FAM120C: variants seen among roughly 807,000 people sequenced by gnomAD.
FAM120C encodes constitutive coactivator of PPAR-gamma-like protein 2.
FAM120C carries 14 observed loss-of-function variants against 71.2 expected under a neutral mutation model. The ratio of observed to expected loss-of-function variants is 0.20; its 90% CI spans 0.13 to 0.31. The LOEUF (loss-of-function observed/expected upper bound fraction) is 0.31, where lower values mean the gene tolerates loss of function less well. Among genes scored for constraint, FAM120C ranks in the 10% least tolerant of loss-of-function variants. The pLI, the probability that FAM120C is intolerant of heterozygous loss-of-function variation, is 1.00. For synonymous variants in FAM120C, 354 were observed against 353.2 expected (o/e 1.00, Z -0.03); for missense variants, 500 against 879.0 (o/e 0.57, Z 5.45).
chrX:54,136,211 G>C (rs1194551902), intron 5 of FAM120C, among the ~76,000 whole-genome samples: 2 of 111,405 alleles, frequency 1.8e-5, no homozygotes, highest in Non-Finnish European at 3.8e-5. Context: ...TGTTGGCCAG[G>C]CTGGTCGTGA....
chrX:54,081,338 C>A lies in FAM120C; in HGVS notation c.2962G>T (p.Gly988Cys). The A allele has an allele frequency of 8.3e-7, 1 of 1,209,290 alleles. No individual in the cohort carries two copies. Among genetic ancestry groups the A allele is most frequent in the Non-Finnish European group, 1.1e-6 (1 of 894,537 alleles). ...GGTACATACCCCTTTCCTGGCCCACCGACAGAAACCACTTGCATGCCGAAG... is the reference window on the plus strand; with the variant it reads ...GGTACATACCCCTTTCCTGGCCCACAGACAGAAACCACTTGCATGCCGAAG... The part of the protein sequence containing the change: ...GSFGMQVVSV[G>C]GPGKGHGKEQ... Residue 988 changes from glycine (G) to cysteine (C), a missense_variant, in exon 14 of 16, where the codon GGT (glycine) becomes TGT (cysteine). Physicochemically the swap from Gly to Cys is radical, Grantham distance 159. Around this residue, in one of 11 missense-constraint regions of FAM120C, gnomAD observed 85 missense variants for 96.1 expected, o/e 0.88. Transcript: ENST00000375180.
At chrX:54,182,309 G>T (rs782263220) in intron 1 of FAM120C, among the ~76,000 whole-genome samples, 191 bp downstream of exon 1, 1 of 110,632 alleles carries the variant, frequency 9.0e-6, no homozygotes, top group South Asian at 3.9e-4. Context: ...GAATCCGTAG[G>T]GGGTGGTATG....
chrX:54,140,496 T>C (rs1557131512), intron 4 of FAM120C, among the ~76,000 whole-genome samples: 1 of 105,018 alleles, frequency 9.5e-6, no homozygotes, highest in African/African-American at 3.5e-5. Flanking sequence ...GGCGGACACC[T>C]GTAATCCCAG....
chrX:54,150,013 G>T (rs1253332759), intron 4 of FAM120C, among the ~76,000 whole-genome samples: 1 of 112,183 alleles, frequency 8.9e-6, no homozygotes, highest in Non-Finnish European at 1.9e-5. Flanking sequence ...TATTAACAAT[G>T]AAATTTTCAT....
At chrX:54,179,039 C>G (rs1450253123) in intron 1 of FAM120C, among the ~76,000 whole-genome samples, 1 of 111,927 alleles carries the variant, frequency 8.9e-6, no homozygotes, top group East Asian at 2.8e-4. Flanking sequence ...GAATCACAAT[C>G]TAAAACTGCT....
rs1160481813 is a variant in FAM120C, at chrX:54,070,117, A to T, written c.*2916T>A. 8.9e-6 allele frequency: 1 copy of T among 111,927 alleles called. No homozygotes were observed. The highest frequency in any genetic ancestry group is 3.2e-5 in the African/African-American group (1 of 30,806). The allele number at this position is 111,927 out of a possible 1,213,427, so 9.2% of individuals were successfully genotyped here. ...TTTGTCCTCCAATTAGAAAAAGTTC[A>T]TCTCCCTGTAATGAACCTTAGTTTT... is the stretch of plus-strand genomic sequence containing the variant. On this transcript the variant is annotated 3_prime_UTR_variant, in exon 16 of 16. Transcript: ENST00000375180.
chrX:54,099,227 A>C (rs2066870570), intron 10 of FAM120C, among the ~76,000 whole-genome samples: 2 of 109,882 alleles, frequency 1.8e-5, no homozygotes, highest in Admixed American at 2.0e-4. Flanking sequence ...TGTTGCCCAG[A>C]CTGGCCTCAA....
chrX:54,124,741 C>T (rs2067017021), intron 9 of FAM120C, among the ~76,000 whole-genome samples: 1 of 111,711 alleles, frequency 9.0e-6, no homozygotes, highest in Non-Finnish European at 1.9e-5. Context: ...CTTGGCTCCT[C>T]CCCACCGACC....
chrX:54,135,118 G>A lies in FAM120C; in HGVS notation c.1336-7C>T, dbSNP rs1301779568. 4.2e-6 allele frequency: 5 copies of A among 1,177,531 alleles called. No individual in the cohort carries two copies. Among genetic ancestry groups the A allele is most frequent in the Non-Finnish European group, 4.6e-6 (4 of 878,490 alleles). On this transcript the variant is annotated splice_region_variant and splice_polypyrimidine_tract_variant and intron_variant, in intron 6 of 15. Transcript: ENST00000375180. ...GGGGCACTTGATGAGAAAACTAAAC[G>A]ATAAAACAGACAGAAAAGCTATTTA...
chrX:54,090,230 C>G (rs1246184072), intron 11 of FAM120C, among the ~76,000 whole-genome samples: 1 of 25,031 alleles, frequency 4.0e-5, no homozygotes, highest in Non-Finnish European at 6.7e-5. Context: ...AGCCCAGCAC[C>G]TTGCCCTTCT....
At chrX:54,182,362 AGGTAGGTTAGCTGTTGGGCG>A (rs1271942730) in intron 1 of FAM120C, 118 bp downstream of exon 1, 41 of 702,449 alleles carry the variant, frequency 5.8e-5, no homozygotes, top group Non-Finnish European at 8.0e-5. Flanking sequence ...GTAGTTAGGC[AGGTAGGTTAGCTGTTGGGCG>A]GGTAGGTGGG....
chrX:54,085,610 A>G, intron 13 of FAM120C, 105 bp downstream of exon 13: 1 of 745,640 alleles, frequency 1.3e-6, no homozygotes, highest in African/African-American at 2.1e-5. Flanking sequence ...AGTCAATGAG[A>G]TGAGATATAT....
intron 1 of FAM120C, among the ~76,000 whole-genome samples, chrX:54,173,423 C>A (rs1036495960): frequency 1.8e-5 from 2 of 111,091 alleles, no homozygotes; most frequent in Non-Finnish European, 3.8e-5. Flanking sequence ...TAATTTTGTA[C>A]TTTTAGTAGA....
In FAM120C at chrX:54,070,700, G is replaced by A. The variant is rs2066705618; in HGVS notation, c.*2333C>T. On this transcript the variant is annotated 3_prime_UTR_variant, in exon 16 of 16. Transcript: ENST00000375180. ...CAAGACGTTGTGAAAGGTTGGGCAG[G>A]TCCAAGAGAAGGGGGACCACATTAA... The A allele has an allele frequency of 8.9e-6, 1 of 111,779 alleles. No homozygotes were observed. Among genetic ancestry groups the A allele is most frequent in the Non-Finnish European group, 1.9e-5 (1 of 53,201 alleles). The allele number at this position is 111,779 out of a possible 1,213,427, so 9.2% of individuals were successfully genotyped here. A position where few individuals can be genotyped will look rare whatever the true frequency, so the allele number is the denominator to read the frequency against.
Position 54,136,596 on chromosome X carries a change from T to C in FAM120C, c.1159-6A>G, listed in dbSNP as rs782575555. Reference sequence around the variant, plus strand: ...ATTTTATCTTCTGTCCTGGACTGGATGTTGGAACATCAGATTTTCAGAAGA... The same window carrying C: ...ATTTTATCTTCTGTCCTGGACTGGACGTTGGAACATCAGATTTTCAGAAGA... On this transcript the variant is annotated splice_polypyrimidine_tract_variant and splice_region_variant and intron_variant, in intron 4 of 15. Transcript: ENST00000375180. The C allele has an allele frequency of 1.8e-6, 2 of 1,130,490 alleles. No homozygotes were observed. The highest frequency in any genetic ancestry group is 2.3e-5 in the Admixed American group (1 of 44,297). The allele number at this position is 1,130,490 out of a possible 1,213,427, so 93.2% of individuals were successfully genotyped here.
Position 54,182,830 on chromosome X carries a change from G to A in FAM120C, c.369C>T (p.Gly123=), listed in dbSNP as rs1203352662. 1.7e-6 allele frequency: 2 copies of A among 1,185,889 alleles called. No individual in the cohort carries two copies. The highest frequency in any genetic ancestry group is 3.5e-5 in the African/African-American group (2 of 57,009). The change falls in exon 1 of 16, where the codon GGC becomes GGT. Residue 123 remains glycine, a synonymous_variant. Transcript: ENST00000375180. ...LPGARVLVDA[G]SALPRLYGGY... is the part of the protein sequence containing the mutation. ...CGCCATAGAGCCGCGGCAGCGCCGA[G>A]CCGGCGTCCACCAGCACCCGGGCCC...
intron 4 of FAM120C, among the ~76,000 whole-genome samples, chrX:54,144,654 T>G (rs1401944507): frequency 5.4e-5 from 6 of 111,617 alleles, no homozygotes; most frequent in African/African-American, 6.5e-5. Context: ...CACTGCTCAA[T>G]GAAATAAAAG....
At chrX:54,097,718 A>C (rs1557123527) in intron 10 of FAM120C, among the ~76,000 whole-genome samples, 1 of 110,481 alleles carries the variant, frequency 9.1e-6, no homozygotes, top group Non-Finnish European at 1.9e-5. Flanking sequence ...CTCAGTCTTT[A>C]TTTATTTTTA....
At chrX:54,086,313 C>G (rs782680447) in intron 12 of FAM120C, among the ~76,000 whole-genome samples, 19 of 112,335 alleles carry the variant, frequency 1.7e-4, no homozygotes, top group African/African-American at 6.1e-4. Context: ...TTTTAACCTT[C>G]TCCCCCATAT....
Sources: gnomAD v4.1 joint callset for allele counts (sites outside exome capture counted in the v4.1 genomes callset) on GRCh38, gnomAD v4.1.1 for gene constraint, gnomAD v4.1.1 regional missense constraint, MANE v1.5 for transcripts, NCBI Gene and HGNC (gene_info 2026-07-23, HGNC 2026-07-21) for gene names.